ACACB: variants seen among roughly 807,000 people sequenced by gnomAD.
ACACB encodes the protein acetyl-CoA carboxylase 2.
Under a neutral mutation model 278.8 loss-of-function variants are expected in ACACB, and 209 were observed. The observed-to-expected ratio is 0.75, with a 90% CI of 0.67 to 0.84. ACACB has a LOEUF of 0.84. Ranked by LOEUF, ACACB falls within the 40% of genes least tolerant of loss-of-function variation. The pLI is 0.00. For synonymous variants in ACACB, 1,174 were observed against 1,285.6 expected (o/e 0.91, Z 1.86); for missense variants, 2,850 against 3,269.0 (o/e 0.87, Z 3.13).
chr12:109,252,460 T>C, intron 42 of ACACB: 1 of 240,782 alleles, frequency 4.2e-6, no homozygotes, highest in Non-Finnish European at 7.9e-6. Flanking sequence ...ATTTTGCAGC[T>C]TCTATCATTC....
At chr12:109,260,098 G>A in intron 47 of ACACB, 1 of 1,366,384 alleles carries the variant, frequency 7.3e-7, no homozygotes, top group Non-Finnish European at 9.7e-7. Context: ...GTGTCTTGGT[G>A]GAAGATAAGG....
At chr12:109,181,778 T>G (rs1388821891) in intron 11 of ACACB, among the ~76,000 whole-genome samples, 3 of 151,864 alleles carry the variant, frequency 2.0e-5, no homozygotes, top group Non-Finnish European at 4.4e-5. Flanking sequence ...CAACAGTGTA[T>G]GAGGGGTCCC....
At chr12:109,167,086 A>C (rs2043934290) in intron 3 of ACACB, 93 bp downstream of exon 3, 2 of 1,559,250 alleles carry the variant, frequency 1.3e-6, no homozygotes, top group Non-Finnish European at 1.8e-6. Flanking sequence ...GTTCAGGCTC[A>C]TTCTGCCTGC....
In ACACB at chr12:109,144,880, G is replaced by T. The variant is rs190323592; in HGVS notation, c.653+4822G>T. 3.3e-4 allele frequency among the ~76,000 whole-genome samples: 49 copies of T among 149,536 alleles called. 1 individual carries two copies. Among genetic ancestry groups the T allele is most frequent in the African/African-American group, 1.2e-3 (49 of 40,628 alleles). ...GGGTTCAAGTGATTCTTCTGCTTCA[G>T]CCTCCTGAGTATCTGGGACTACAGG... On this transcript the variant is annotated intron_variant, in intron 2 of 52. Coordinates refer to ENST00000338432, the MANE Select transcript of ACACB (RefSeq NM_001093.4).
intron 41 of ACACB, among the ~76,000 whole-genome samples, chr12:109,251,203 G>A (rs1387154700): frequency 3.3e-5 from 5 of 152,116 alleles, no homozygotes. Context: ...CTAGCTTCAG[G>A]TGTTTTCTAT....
At position 109,210,242 on chromosome 12, in the gene ACACB, T is replaced by TAC. The variant is rs2045739199; in HGVS notation, c.3249+890_3249+891insCA. ...ACACATGTGTGTATATGTATATATGTATATATACACACATGTGTGTATATG... is the reference window on the plus strand; with the variant it reads ...ACACATGTGTGTATATGTATATATGTACATATATACACACATGTGTGTATATG... On this transcript the variant is annotated intron_variant, in intron 21 of 52. Coordinates refer to ENST00000338432, the MANE Select transcript of ACACB (RefSeq NM_001093.4). Among the ~76,000 whole-genome samples, 10 of 41,754 alleles carry TAC rather than the reference T, an allele frequency of 2.4e-4. 1 individual carries two copies. Among genetic ancestry groups the TAC allele is most frequent in the East Asian group, 2.0e-3 (3 of 1,520 alleles). 27.4% of individuals were successfully genotyped at this position (41,754 alleles called of 152,430 possible). A position where few individuals can be genotyped will look rare whatever the true frequency, so the allele number is the denominator to read the frequency against.
chr12:109,129,958 T>C (rs1214336033), intron 1 of ACACB, among the ~76,000 whole-genome samples: 1 of 152,200 alleles, frequency 6.6e-6, no homozygotes, highest in African/African-American at 2.4e-5. Flanking sequence ...AGGCTCTATT[T>C]GGTGTTGAGT....
In ACACB at chr12:109,265,521, C is replaced by T. The variant is rs771773850; in HGVS notation, c.7246C>T (p.Arg2416Ter). The change falls in exon 52 of 53, where the codon CGA (arginine) becomes TGA (stop). Residue 2416 changes from arginine (R) to a stop codon, truncating the protein, a stop_gained. Transcript: ENST00000338432. LOFTEE classifies it low-confidence loss of function (END_TRUNC). ...LKHDSVLKTI[R>*]GLVEENPEVA... Reference sequence around the variant, plus strand: ...GCACGACTCTGTCCTCAAGACCATCCGAGGGTGAGTGGCCACCGCACCTGC... The same window carrying T: ...GCACGACTCTGTCCTCAAGACCATCTGAGGGTGAGTGGCCACCGCACCTGC... 21 of 1,613,222 alleles carry T rather than the reference C, an allele frequency of 1.3e-5. No homozygotes were observed. The highest frequency in any genetic ancestry group is 8.3e-5 in the Admixed American group (5 of 59,988).
chr12:109,129,747 T>C (rs2042776059), intron 1 of ACACB, among the ~76,000 whole-genome samples: 1 of 152,232 alleles, frequency 6.6e-6, no homozygotes, highest in African/African-American at 2.4e-5. Context: ...CCTGGGAAGC[T>C]GTCCTTGATG....
chr12:109,184,902 G>A (rs557244640), intron 11 of ACACB, among the ~76,000 whole-genome samples: 5 of 151,948 alleles, frequency 3.3e-5, no homozygotes, highest in South Asian at 2.1e-4. Context: ...TGTAGAGATC[G>A]GGTCTCATTA....
At chr12:109,200,084 A>G (rs1268079476) in intron 18 of ACACB, among the ~76,000 whole-genome samples, 2 of 152,124 alleles carry the variant, frequency 1.3e-5, no homozygotes, top group African/African-American at 4.8e-5. Flanking sequence ...GGAATGAGTA[A>G]GAAGGTTAAT....
rs79857638 is a variant in ACACB, at chr12:109,139,985, GC to G, written c.582del (p.Ser195AlafsTer11). The G allele has an allele frequency of 6.2e-7, 1 of 1,613,224 alleles. No homozygotes were observed. Among genetic ancestry groups the G allele is most frequent in the African/African-American group, 1.3e-5 (1 of 75,062 alleles). ...SRESTRKGSR[A>X]SLGALSLEAY... ...TGAGTCTACCCGGAAGGGCAGCCGG[GC>G]CAGCTTGGGGGCCCTGTCCCTGGAG... On this transcript the variant is annotated frameshift_variant, in exon 2 of 53. Transcript: ENST00000338432. LOFTEE classifies it high-confidence loss of function.
At chr12:109,130,251 A>G (rs1211745739) in intron 1 of ACACB, among the ~76,000 whole-genome samples, 2 of 152,136 alleles carry the variant, frequency 1.3e-5, no homozygotes, top group African/African-American at 2.4e-5. Flanking sequence ...TGAACTCTTA[A>G]CAGCCCAGCA....
chr12:109,237,329 C>T lies in ACACB; in HGVS notation c.4611C>T (p.Asp1537=). ...TGAAGGAAGGTGTGGAAGTGACGGA[C>T]CATAGGTTCTTCATCCGCGCCATCA... ...AKVKEGVEVT[D]HRFFIRAIIR... is the part of the protein sequence containing the mutation. Residue 1537 remains aspartate (D), a synonymous_variant, in exon 34 of 53, where the codon GAC becomes GAT. Coordinates refer to ENST00000338432, the MANE Select transcript of ACACB (RefSeq NM_001093.4). The T allele has an allele frequency of 1.9e-6, 3 of 1,614,172 alleles. No individual in the cohort carries two copies. The highest frequency in any genetic ancestry group is 2.5e-6 in the Non-Finnish European group (3 of 1,180,038).
intron 37 of ACACB, among the ~76,000 whole-genome samples, chr12:109,243,694 G>T (rs1391195736): frequency 6.6e-6 from 1 of 152,092 alleles, no homozygotes; most frequent in Non-Finnish European, 1.5e-5. Context: ...GAATAAGGAA[G>T]TAAAATTCTA....
intron 21 of ACACB, among the ~76,000 whole-genome samples, chr12:109,210,143 GTATATATACACACGTGTGTATATGT>G (rs2045700160): frequency 1.5e-5 from 1 of 66,596 alleles, no homozygotes; most frequent in African/African-American, 5.4e-5. Flanking sequence ...GTGTATATAT[GTATATATACACACGTGTGTATATGT>G]ATATATGTAT....
chr12:109,144,081 G>C (rs1031522850), intron 2 of ACACB, among the ~76,000 whole-genome samples: 14 of 152,286 alleles, frequency 9.2e-5, no homozygotes, highest in African/African-American at 3.1e-4. Flanking sequence ...GGGAGGCTGA[G>C]GTGGGTGGAT....
intron 37 of ACACB, among the ~76,000 whole-genome samples, chr12:109,244,798 ATATC>A (rs1340834230): frequency 3.9e-5 from 6 of 152,176 alleles, no homozygotes; most frequent in South Asian, 4.1e-4. Flanking sequence ...ATCTATGTCT[ATATC>A]TATCTATTTA....
In ACACB at chr12:109,188,180, TC is replaced by T; in HGVS notation, c.2144+20del. 1 of 476,210 alleles carries T rather than the reference TC, an allele frequency of 2.1e-6. No individual in the cohort carries two copies. Among genetic ancestry groups the T allele is most frequent in the Non-Finnish European group, 3.3e-6 (1 of 302,164 alleles). 29.5% of individuals were successfully genotyped at this position (476,210 alleles called of 1,614,324 possible). ...GCCATTTCGTCAGTATCTCCTTCCT[TC>T]CTTCCTTCCTTCCTTCCTTCCTTCC... On this transcript the variant is annotated intron_variant, in intron 13 of 52. Transcript: ENST00000338432.
Sources: allele counts gnomAD v4.1 joint callset (sites outside exome capture counted in the v4.1 genomes callset), GRCh38; gene constraint gnomAD v4.1.1; transcripts MANE v1.5; gene names NCBI Gene and HGNC (gene_info 2026-07-23, HGNC 2026-07-21).